The following FNDC3B variants were observed in gnomAD, a reference collection of about 807,000 sequenced individuals.
FNDC3B encodes the protein fibronectin type III domain-containing protein 3B.
FNDC3B carries 12 observed loss-of-function variants against 151.5 expected under a neutral mutation model. That is an observed-to-expected ratio of 0.08 (90% CI 0.05 to 0.13). The LOEUF (loss-of-function observed/expected upper bound fraction) is 0.13. FNDC3B is among the 10% of genes least tolerant of loss of function. FNDC3B has a pLI of 1.00. For missense variants in FNDC3B, 1,214 were observed against 1,505.3 expected, an observed-to-expected ratio of 0.81 and a Z score of 3.20; for synonymous variants, 528 against 549.0, an observed-to-expected ratio of 0.96 and a Z score of 0.54.
chr3:172,171,936 G>A (rs1723304876), intron 3 of FNDC3B, among the ~76,000 whole-genome samples: 1 of 152,324 alleles, frequency 6.6e-6, no homozygotes, highest in South Asian at 2.1e-4. Flanking sequence ...TATGGTGAAA[G>A]TAGATATGTT....
intron 24 of FNDC3B, among the ~76,000 whole-genome samples, chr3:172,379,878 C>T (rs1458869672): frequency 6.6e-6 from 1 of 152,078 alleles, no homozygotes; most frequent in African/African-American, 2.4e-5. Flanking sequence ...CTTGCATCTC[C>T]CAGCCTTTCT....
chr3:172,355,592 G>A (rs1458488398), intron 22 of FNDC3B, among the ~76,000 whole-genome samples: 1 of 152,224 alleles, frequency 6.6e-6, no homozygotes, highest in Non-Finnish European at 1.5e-5. Context: ...GAAAACCTTG[G>A]CCCTAGAGCA....
In FNDC3B at chr3:172,236,650, C is replaced by A. The variant is rs981193719; in HGVS notation, c.264+9703C>A. On this transcript the variant is annotated intron_variant, in intron 4 of 25. Coordinates refer to ENST00000415807, the MANE Select transcript of FNDC3B (RefSeq NM_022763.4). ...GCAGTATCTGGAGAAGCTTAGCCCT[C>A]TAACCAGGGAGGGGTTCCTCTTTGC... is the stretch of plus-strand genomic sequence containing the variant. Among the ~76,000 whole-genome samples, 8 of 152,138 alleles carry A rather than the reference C, an allele frequency of 5.3e-5. No individual in the cohort carries two copies. In the East Asian group the frequency reaches 1.3e-3, roughly 26 times the overall value.
chr3:172,150,635 A>T (rs1003961192), intron 3 of FNDC3B, among the ~76,000 whole-genome samples: 4 of 152,066 alleles, frequency 2.6e-5, no homozygotes, highest in African/African-American at 7.2e-5. Flanking sequence ...TACAAAAGAG[A>T]TAACACCACC....
intron 1 of FNDC3B, among the ~76,000 whole-genome samples, chr3:172,083,754 T>TA (rs1287496095): frequency 6.6e-6 from 1 of 152,156 alleles, no homozygotes; most frequent in Non-Finnish European, 1.5e-5. Flanking sequence ...GACGTCTTCT[T>TA]ACGATTTCAA....
chr3:172,336,916 A>G (rs1196751935), intron 15 of FNDC3B, among the ~76,000 whole-genome samples: 2 of 152,120 alleles, frequency 1.3e-5, no homozygotes, highest in South Asian at 4.1e-4. Context: ...CGGAAAAAAA[A>G]AAAAAACAAA....
chr3:172,156,719 T>A (rs1157658585), intron 3 of FNDC3B, among the ~76,000 whole-genome samples: 2 of 151,118 alleles, frequency 1.3e-5, no homozygotes, highest in East Asian at 1.9e-4. Context: ...TTTTCCCCAC[T>A]GTCTGCTCTC....
intron 1 of FNDC3B, among the ~76,000 whole-genome samples, chr3:172,044,578 A>G (rs1716270259): frequency 6.6e-6 from 1 of 152,170 alleles, no homozygotes; most frequent in African/African-American, 2.4e-5. Context: ...ATTCAACTGC[A>G]GGTAAGGCGT....
chr3:172,279,672 T>C (rs941928704), intron 6 of FNDC3B, among the ~76,000 whole-genome samples: 1 of 152,220 alleles, frequency 6.6e-6, no homozygotes, highest in Non-Finnish European at 1.5e-5. Flanking sequence ...GCATTGTCCT[T>C]ATATTATGCA....
intron 23 of FNDC3B, among the ~76,000 whole-genome samples, chr3:172,370,741 C>T (rs1487546681): frequency 3.9e-5 from 6 of 152,194 alleles, no homozygotes. Context: ...AATAAGCAGT[C>T]ATTGGGTATT....
chr3:172,387,208 C>T (rs1251684361), intron 25 of FNDC3B, among the ~76,000 whole-genome samples: 5 of 152,260 alleles, frequency 3.3e-5, no homozygotes, highest in African/African-American at 1.2e-4. Flanking sequence ...CCACCTGCTT[C>T]GGCCTCCCAA....
Position 172,295,450 on chromosome 3 carries a change from C to T in FNDC3B, c.937C>T (p.Pro313Ser). Residue 313 changes from proline (P) to serine (S), a missense_variant, in exon 8 of 26, where the codon CCC becomes TCC. By Grantham distance (74) the Pro-to-Ser change is moderately conservative. This residue lies in a region of FNDC3B where 156 missense variants were observed against 225.3 expected (regional missense o/e 0.69). Transcript: ENST00000415807. ...SCGPHSGLSF[P>S]YSYEVALSDK... ...TGGACCCCACAGTGGTCTTTCCTTC[C>T]CCTACAGTTACGAGGTGGCCTTATC... 6.2e-7 allele frequency: 1 copy of T among 1,614,046 alleles called. No homozygotes were observed. The highest frequency in any genetic ancestry group is 8.5e-7 in the Non-Finnish European group (1 of 1,179,890).
At chr3:172,342,984 T>C in intron 17 of FNDC3B, 27 bp from the exon 18 acceptor site, 1 of 1,346,722 alleles carries the variant, frequency 7.4e-7, no homozygotes, top group Non-Finnish European at 1.1e-6. Context: ...AACTAAGAGA[T>C]GGTTCTCTCT....
chr3:172,212,432 C>G (rs1004306257), intron 3 of FNDC3B, among the ~76,000 whole-genome samples: 7 of 152,266 alleles, frequency 4.6e-5, no homozygotes, highest in Admixed American at 3.3e-4. Flanking sequence ...CGTAGCACAT[C>G]TGCATCAAAA....
At chr3:172,358,036 G>A (rs1438854812) in intron 22 of FNDC3B, among the ~76,000 whole-genome samples, 2 of 152,220 alleles carry the variant, frequency 1.3e-5, no homozygotes, top group African/African-American at 2.4e-5. Flanking sequence ...GGTAGGATTT[G>A]TAACCATATT....
At chr3:172,289,181 G>T (rs1730184615) in intron 7 of FNDC3B, among the ~76,000 whole-genome samples, 1 of 152,126 alleles carries the variant, frequency 6.6e-6, no homozygotes, top group Non-Finnish European at 1.5e-5. Flanking sequence ...CTGTTTTCTT[G>T]CCTTTTCCAG....
At chr3:172,161,246 C>G (rs1344929587) in intron 3 of FNDC3B, among the ~76,000 whole-genome samples, 2 of 152,114 alleles carry the variant, frequency 1.3e-5, no homozygotes, top group Non-Finnish European at 2.9e-5. Context: ...TTTTCCAATC[C>G]TGTTATTTTC....
At chr3:172,069,146 C>G (rs1030754037) in intron 1 of FNDC3B, among the ~76,000 whole-genome samples, 3 of 152,178 alleles carry the variant, frequency 2.0e-5, no homozygotes, top group Non-Finnish European at 4.4e-5. Flanking sequence ...TGTCAATTTA[C>G]TTGACCTGGT....
At chr3:172,218,896 G>A (rs933298769) in intron 3 of FNDC3B, among the ~76,000 whole-genome samples, 2 of 152,204 alleles carry the variant, frequency 1.3e-5, no homozygotes, top group African/African-American at 2.4e-5. Context: ...AGTGCCATCA[G>A]TACCTAGCTT....
Sources: gnomAD v4.1 joint callset for allele counts (sites outside exome capture counted in the v4.1 genomes callset) on GRCh38, gnomAD v4.1.1 for gene constraint, gnomAD v4.1.1 regional missense constraint, MANE v1.5 for transcripts, NCBI Gene and HGNC (gene_info 2026-07-23, HGNC 2026-07-21) for gene names.